The following AOPEP variants were observed in gnomAD, a reference collection of about 807,000 sequenced individuals.
The protein encoded by AOPEP is aminopeptidase O.
Under a neutral mutation model 98.1 loss-of-function variants are expected in AOPEP, and 77 were observed. That is an observed-to-expected ratio of 0.78 (90% CI 0.65 to 0.95). The LOEUF (loss-of-function observed/expected upper bound fraction) is 0.95. Ranked by LOEUF, AOPEP falls within the 40% of genes least tolerant of loss-of-function variation. AOPEP has a pLI of 0.00. For missense variants in AOPEP, 1,024 were observed against 1,024.7 expected, an observed-to-expected ratio of 1.00 and a Z score of 0.01; for synonymous variants, 346 against 365.3, an observed-to-expected ratio of 0.95 and a Z score of 0.60.
intron 11 of AOPEP, among the ~76,000 whole-genome samples, chr9:94,992,650 C>T (rs576279361): frequency 5.9e-5 from 9 of 152,326 alleles, no homozygotes; most frequent in Admixed American, 5.2e-4. Context: ...TCTACCACCT[C>T]GAAGCCGTGT....
rs553926701 is a variant in AOPEP, at chr9:95,067,641, C to T, written c.2232+6831C>T. Among the ~76,000 whole-genome samples the T allele has an allele frequency of 3.4e-3, 519 of 152,322 alleles. 4 individuals carry two copies. Among genetic ancestry groups the T allele is most frequent in the Admixed American group, 4.1e-3 (62 of 15,308 alleles). ...AGTACCCTTCGCTGAAACAGCCTTT[C>T]TCAACTTGGTTCTTAGGGTGAGGGG... On this transcript the variant is annotated intron_variant, in intron 14 of 16. Coordinates refer to ENST00000375315, the MANE Select transcript of AOPEP (RefSeq NM_001193329.3).
intron 1 of AOPEP, among the ~76,000 whole-genome samples, chr9:94,745,853 A>G (rs1489299731): frequency 6.6e-6 from 1 of 152,216 alleles, no homozygotes; most frequent in Non-Finnish European, 1.5e-5. Context: ...TGTCTTTGAT[A>G]TACTAATTTC....
chr9:95,039,348 C>T (rs141521716), intron 13 of AOPEP, among the ~76,000 whole-genome samples: 1 of 152,144 alleles, frequency 6.6e-6, no homozygotes, highest in African/African-American at 2.4e-5. Context: ...GGGCAGATCA[C>T]TTGAGCCCAG....
At position 94,930,058 on chromosome 9, in the gene AOPEP, T is replaced by A. The variant is rs2055042086; in HGVS notation, c.1661+1527T>A. 6.6e-6 allele frequency among the ~76,000 whole-genome samples: 1 copy of A among 152,208 alleles called. No homozygotes were observed. Among genetic ancestry groups the A allele is most frequent in the South Asian group, 2.1e-4 (1 of 4,828 alleles). ...CAGGACCTTCAGCAGGAAGGTGGTA[T>A]GATCTGCTCAGTATTTGGACGGTGC... On this transcript the variant is annotated intron_variant, in intron 7 of 16. Coordinates refer to ENST00000375315, the MANE Select transcript of AOPEP (RefSeq NM_001193329.3). The surrounding 1 kb of genome is among the most constrained non-coding windows in gnomAD (Gnocchi z 4.5).
intron 5 of AOPEP, among the ~76,000 whole-genome samples, chr9:94,817,624 G>A (rs77370381): frequency 0.012 from 1,766 of 152,324 alleles, 34 homozygotes; most frequent in African/African-American, 0.04. Context: ...TAATTTGAAA[G>A]CAGCAAGCAT....
intron 14 of AOPEP, among the ~76,000 whole-genome samples, chr9:95,076,133 C>A (rs1363859693): frequency 1.3e-5 from 2 of 152,214 alleles, no homozygotes; most frequent in Non-Finnish European, 2.9e-5. Flanking sequence ...TCCTCAAGTT[C>A]TCTCTTAATT....
chr9:94,757,661 A>G (rs1357198698), intron 1 of AOPEP, among the ~76,000 whole-genome samples: 1 of 152,240 alleles, frequency 6.6e-6, no homozygotes, highest in East Asian at 1.9e-4. Context: ...TGTTAAAAAT[A>G]CTAAACTTTT....
chr9:95,125,109 C>G, the AOPEP span: 1 of 1,614,180 alleles, frequency 6.2e-7, no homozygotes, highest in Non-Finnish European at 8.5e-7. Flanking sequence ...TTCTCCAGAG[C>G]TTCTACAAAG....
chr9:94,970,543 T>C (rs1488326785), intron 10 of AOPEP, among the ~76,000 whole-genome samples: 1 of 151,886 alleles, frequency 6.6e-6, no homozygotes, highest in African/African-American at 2.4e-5. Context: ...TGAAGAAATC[T>C]TATGCAGGGA....
the AOPEP span, among the ~76,000 whole-genome samples, chr9:95,108,623 G>A: frequency 1.3e-5 from 2 of 152,076 alleles, no homozygotes; most frequent in Non-Finnish European, 2.9e-5. Flanking sequence ...AAAGATAAAA[G>A]CTTTCTTTTC....
At chr9:94,943,554 C>T (rs1016648576) in intron 7 of AOPEP, among the ~76,000 whole-genome samples, 2 of 142,148 alleles carry the variant, frequency 1.4e-5, no homozygotes, top group African/African-American at 5.2e-5. Context: ...AGATCGTGCC[C>T]CTGCACTCCA....
At chr9:94,757,080 A>G (rs1348247195) in intron 1 of AOPEP, among the ~76,000 whole-genome samples, 3 of 152,190 alleles carry the variant, frequency 2.0e-5, no homozygotes, top group African/African-American at 7.2e-5. Context: ...GCTCTCTCAA[A>G]ACCCCAGAAG....
chr9:94,859,206 G>A (rs1302682468), intron 5 of AOPEP, among the ~76,000 whole-genome samples: 3 of 152,192 alleles, frequency 2.0e-5, no homozygotes, highest in Non-Finnish European at 4.4e-5. Flanking sequence ...AAACCAGAAA[G>A]AGGGTCTTCA....
chr9:95,073,390 G>C (rs1170483856), intron 14 of AOPEP, among the ~76,000 whole-genome samples: 1 of 152,022 alleles, frequency 6.6e-6, no homozygotes, highest in Admixed American at 6.5e-5. Context: ...TTTTCACACT[G>C]TCCGGGAGTC....
At chr9:94,978,551 C>T (rs183059033) in intron 10 of AOPEP, among the ~76,000 whole-genome samples, 4 of 152,222 alleles carry the variant, frequency 2.6e-5, no homozygotes, top group African/African-American at 9.6e-5. Flanking sequence ...TGTTATGGCA[C>T]TGGGGAGGCC....
rs764766446 is a variant in AOPEP, at chr9:94,773,059, G to A, written c.855G>A (p.Gln285=). The A allele has an allele frequency of 2.5e-6, 4 of 1,614,024 alleles. No individual in the cohort carries two copies. In the South Asian group the frequency reaches 4.4e-5, roughly 18 times the overall value. The change falls in exon 3 of 17, where the codon CAG becomes CAA. Residue 285 remains glutamine (Q), a synonymous_variant. Coordinates refer to ENST00000375315, the MANE Select transcript of AOPEP (RefSeq NM_001193329.3). Reference sequence around the variant, plus strand: ...ACAACAGGGCCCTTTTTCCATGCCAGGAGCCACCCGTTGCCATGTCAACAT... The same window carrying A: ...ACAACAGGGCCCTTTTTCCATGCCAAGAGCCACCCGTTGCCATGTCAACAT... ...PINNRALFPC[Q]EPPVAMSTWQ...
chr9:95,100,497 C>T, the AOPEP span: 1 of 231,994 alleles, frequency 4.3e-6, no homozygotes, highest in African/African-American at 2.2e-5. Flanking sequence ...TCAAAATGGA[C>T]AAAAGCAAGT....
chr9:94,852,212 TC>T (rs2043639711), intron 5 of AOPEP, among the ~76,000 whole-genome samples: 1 of 152,140 alleles, frequency 6.6e-6, no homozygotes, highest in Non-Finnish European at 1.5e-5. Flanking sequence ...AGTACTTGGA[TC>T]CCACCCCAGA....
intron 5 of AOPEP, among the ~76,000 whole-genome samples, chr9:94,823,026 C>T (rs897289889): frequency 3.3e-5 from 5 of 151,322 alleles, no homozygotes; most frequent in Non-Finnish European, 7.4e-5. Context: ...GATGGAGTTT[C>T]GCTCTTGTTG....
Sources: gnomAD v4.1 joint callset for allele counts (sites outside exome capture counted in the v4.1 genomes callset) on GRCh38, gnomAD v4.1.1 for gene constraint, Gnocchi (gnomAD v3.1) non-coding constraint, MANE v1.5 for transcripts, NCBI Gene and HGNC (gene_info 2026-07-23, HGNC 2026-07-21) for gene names.